PTPRF: variants seen among roughly 807,000 people sequenced by gnomAD.
The protein encoded by PTPRF is receptor-type tyrosine-protein phosphatase F.
A neutral mutation model predicts 201.8 loss-of-function variants in PTPRF; 59 were observed. The ratio of observed to expected loss-of-function variants is 0.29; its 90% CI spans 0.24 to 0.36. The LOEUF (loss-of-function observed/expected upper bound fraction) is 0.36. Among genes scored for constraint, PTPRF ranks in the 10% least tolerant of loss-of-function variants. The probability of loss-of-function intolerance (pLI) is 1.00; values close to 1 mark genes in which losing one functional copy is unlikely to be tolerated. For synonymous variants in PTPRF, 1,088 were observed against 1,089.7 expected (o/e 1.00, Z 0.03); for missense variants, 2,132 against 2,690.5 (o/e 0.79, Z 4.59).
intron 2 of PTPRF, among the ~76,000 whole-genome samples, chr1:43,539,688 CTA>C (rs1468433325): frequency 2.6e-5 from 4 of 152,164 alleles, no homozygotes; most frequent in South Asian, 2.1e-4. Flanking sequence ...TGTAGGGACA[CTA>C]TGTGTCCCTT....
chr1:43,592,599 C>A lies in PTPRF; in HGVS notation c.1811C>A (p.Ser604Tyr). Reference protein sequence around the residue: ...TPTIEARTAQSTPSAPPQKVM... With the variant: ...TPTIEARTAQYTPSAPPQKVM... The stretch of plus-strand genomic sequence containing the variant: ...ACCATTGAGGCCCGCACAGCCCAGT[C>A]CAGTAAGTGTCTCCCAAGTCCGCTG... Residue 604 changes from serine (S) to tyrosine (Y), a missense_variant and splice_region_variant, in exon 11 of 34, where the codon TCC becomes TAC. This residue lies in a region of PTPRF where 351 missense variants were observed against 401.7 expected (regional missense o/e 0.87). Coordinates refer to ENST00000359947, the MANE Select transcript of PTPRF (RefSeq NM_002840.5). 1 of 1,585,034 alleles carries A rather than the reference C, an allele frequency of 6.3e-7. No homozygotes were observed. Among genetic ancestry groups the A allele is most frequent in the Non-Finnish European group, 8.6e-7 (1 of 1,165,062 alleles).
At chr1:43,564,759 T>C (rs1646045798) in intron 5 of PTPRF, among the ~76,000 whole-genome samples, 1 of 152,144 alleles carries the variant, frequency 6.6e-6, no homozygotes, top group African/African-American at 2.4e-5. Context: ...TGCCTGCGTT[T>C]GCACGGAGAC....
intron 11 of PTPRF, among the ~76,000 whole-genome samples, 181 bp from the exon 12 acceptor site, chr1:43,597,567 G>C (rs1652654195): frequency 6.6e-6 from 1 of 152,134 alleles, no homozygotes; most frequent in African/African-American, 2.4e-5. Context: ...AGGCAGGTCA[G>C]AGGGAGTCAG....
chr1:43,538,578 C>T lies in PTPRF; in HGVS notation c.-46+301C>T, dbSNP rs534468232. On this transcript the variant is annotated intron_variant, in intron 2 of 33. Coordinates refer to ENST00000359947, the MANE Select transcript of PTPRF (RefSeq NM_002840.5). ...GGTGTCAAGGATGGTGCCTGAGTTT[C>T]TGGCTGGAGTGGATGATAGAGGTGG... Among the ~76,000 whole-genome samples, 5 of 152,260 alleles carry T rather than the reference C, an allele frequency of 3.3e-5. No homozygotes were observed. The East Asian group carries it at 7.7e-4, about 23-fold the overall frequency.
At position 43,603,758 on chromosome 1, in the gene PTPRF, A is replaced by G. The variant is rs1253788010; in HGVS notation, c.2606A>G (p.Asp869Gly). 1.9e-6 allele frequency: 3 copies of G among 1,613,864 alleles called. No individual in the cohort carries two copies. The highest frequency in any genetic ancestry group is 1.3e-5 in the African/African-American group (1 of 74,926). Residue 869 changes from aspartate to glycine, a missense_variant, in exon 16 of 34, where the codon GAT (aspartate) becomes GGT (glycine). By Grantham distance (94) the Asp-to-Gly change is moderately conservative (BLOSUM62 -1). Transcript: ENST00000359947. This position sits in a 1 kb window ranked among gnomAD's most constrained non-coding sequence, Gnocchi z 5.8. ...GACGAGGCGCGGCCCAACACCATAG[A>G]TTTCGGCAAGGATGACCAGCACTTC... ...RADEARPNTI[D>G]FGKDDQHFTV...
chr1:43,569,144 G>A (rs894374285), intron 5 of PTPRF, among the ~76,000 whole-genome samples: 1 of 152,196 alleles, frequency 6.6e-6, no homozygotes, highest in African/African-American at 2.4e-5. Context: ...GTGCGGACAG[G>A]GGAGAGGGGG....
At chr1:43,617,627 C>T (rs1303689913) in intron 24 of PTPRF, 59 bp downstream of exon 24, 2 of 1,609,664 alleles carry the variant, frequency 1.2e-6, no homozygotes, top group Middle Eastern at 1.7e-4. Flanking sequence ...GCTAGGGCAA[C>T]ATGTCATTCT....
chr1:43,553,634 C>T lies in PTPRF; in HGVS notation c.234C>T (p.Phe78=), dbSNP rs6684279. The T allele has an allele frequency of 5.8e-3, 9,316 of 1,614,046 alleles. 445 individuals carry two copies. The African/African-American group carries it at 0.1, about 18-fold the overall frequency. ...KKGKKVSSQR[F]EVIEFDDGAG... ...GGAAGAAAGTCAGCTCCCAGCGCTT[C>T]GAGGTGCGTCTGTGGTGGGAAGGGG... Residue 78 remains phenylalanine, a synonymous_variant, in exon 4 of 34, where the codon TTC becomes TTT. Transcript: ENST00000359947. This position sits in a 1 kb window ranked among gnomAD's most constrained non-coding sequence, Gnocchi z 4.1.
intron 22 of PTPRF, chr1:43,612,713 T>C (rs499257): frequency 0.63 from 836,908 of 1,329,238 alleles, 271,884 homozygotes; most frequent in East Asian, 0.71. Flanking sequence ...TTAACGGGCT[T>C]TCTTTTCTTG....
intron 5 of PTPRF, among the ~76,000 whole-genome samples, chr1:43,560,456 T>C (rs1474997876): frequency 6.6e-6 from 1 of 152,050 alleles, no homozygotes; most frequent in Non-Finnish European, 1.5e-5. Context: ...TGTGTAGGTG[T>C]GCCTCGGGAG....
chr1:43,607,586 G>T (rs898573513), intron 21 of PTPRF, among the ~76,000 whole-genome samples: 1 of 152,228 alleles, frequency 6.6e-6, no homozygotes, highest in Non-Finnish European at 1.5e-5. Flanking sequence ...GATTTCCAAA[G>T]ATTTAACTTT....
upstream of PTPRF, among the ~76,000 whole-genome samples, chr1:43,522,537 C>T (rs1642987214): frequency 6.6e-6 from 1 of 152,174 alleles, no homozygotes; most frequent in Admixed American, 6.5e-5. Flanking sequence ...GGATGACAGG[C>T]ATCAATCCAT....
In PTPRF at chr1:43,598,286, C is replaced by T; in HGVS notation, c.2119+233C>T. 4 of 501,770 alleles carry T rather than the reference C, an allele frequency of 8.0e-6. No homozygotes were observed. The South Asian group carries it at 1.2e-4, about 15-fold the overall frequency. The allele number at this position is 501,770 out of a possible 1,614,324, so 31.1% of individuals were successfully genotyped here. A position where few individuals can be genotyped will look rare whatever the true frequency, so the allele number is the denominator to read the frequency against. ...CCTTCACAGGCTAAGATGGGAGAAGCAGCCCTGTCTAAGATTTGAAAGGTC... is the reference window on the plus strand; with the variant it reads ...CCTTCACAGGCTAAGATGGGAGAAGTAGCCCTGTCTAAGATTTGAAAGGTC... On this transcript the variant is annotated intron_variant, in intron 12 of 33. Transcript: ENST00000359947.
chr1:43,561,114 G>C (rs1385579600), intron 5 of PTPRF, among the ~76,000 whole-genome samples: 6 of 152,246 alleles, frequency 3.9e-5, no homozygotes, highest in African/African-American at 1.4e-4. Flanking sequence ...GATGACGAAG[G>C]ACCTCTTGAT....
chr1:43,564,451 C>T (rs182587970), intron 5 of PTPRF, among the ~76,000 whole-genome samples: 1 of 152,282 alleles, frequency 6.6e-6, no homozygotes, highest in East Asian at 1.9e-4. Context: ...CTGTGCATGT[C>T]TCCACATGTG....
chr1:43,613,787 TC>T, intron 23 of PTPRF, 72 bp downstream of exon 23: 2 of 1,353,140 alleles, frequency 1.5e-6, no homozygotes, highest in Non-Finnish European at 2.1e-6. Context: ...CTGTCCTAGG[TC>T]CCAGCTGTGG....
At chr1:43,538,927 A>C (rs749692106) in intron 2 of PTPRF, among the ~76,000 whole-genome samples, 1 of 152,130 alleles carries the variant, frequency 6.6e-6, no homozygotes, top group African/African-American at 2.4e-5. Flanking sequence ...CAGGCTAAAG[A>C]CTTTAGACTT....
intron 6 of PTPRF, among the ~76,000 whole-genome samples, chr1:43,570,129 T>C (rs559635046): frequency 6.6e-6 from 1 of 152,330 alleles, no homozygotes; most frequent in East Asian, 1.9e-4. Context: ...GATGCTTCTC[T>C]TTGCTTCCTC....
In PTPRF at chr1:43,530,929, C is replaced by CCAGCTT. The variant is rs1234825341; in HGVS notation, c.-286_-285insAGCTTC. 2 of 154,364 alleles carry CCAGCTT rather than the reference C, an allele frequency of 1.3e-5. No individual in the cohort carries two copies. The highest frequency in any genetic ancestry group is 3.8e-4 in the East Asian group (2 of 5,304). 9.6% of individuals were successfully genotyped at this position (154,364 alleles called of 1,614,324 possible). A position where few individuals can be genotyped will look rare whatever the true frequency, so the allele number is the denominator to read the frequency against. On this transcript the variant is annotated 5_prime_UTR_variant, in exon 1 of 34. Transcript: ENST00000359947. The surrounding 1 kb of genome is among the most constrained non-coding windows in gnomAD (Gnocchi z 4.1). ...AGAGGCGGCGGCTCCAGCTTCGGCT[C>CCAGCTT]CGGCTCGGGCTCGGGCTCCGGCTCC...
Sources: gnomAD v4.1 joint callset for allele counts (sites outside exome capture counted in the v4.1 genomes callset) on GRCh38, gnomAD v4.1.1 for gene constraint, gnomAD v4.1.1 regional missense constraint, Gnocchi (gnomAD v3.1) non-coding constraint, MANE v1.5 for transcripts, NCBI Gene and HGNC (gene_info 2026-07-23, HGNC 2026-07-21) for gene names.